The following ENOX2 variants were observed in gnomAD, a reference collection of about 807,000 sequenced individuals.
ENOX2 encodes ecto-NOX disulfide-thiol exchanger 2.
Under a neutral mutation model 45.0 loss-of-function variants are expected in ENOX2, and 36 were observed. The ratio of observed to expected loss-of-function variants is 0.80; its 90% CI spans 0.61 to 1.06. The LOEUF (loss-of-function observed/expected upper bound fraction) is 1.06, where lower values mean the gene tolerates loss of function less well. Among genes scored for constraint, ENOX2 ranks in the 50% least tolerant of loss-of-function variants. ENOX2 has a pLI of 0.00. For synonymous variants in ENOX2, 174 were observed against 152.3 expected (o/e 1.14, Z -1.05); for missense variants, 423 against 462.5 (o/e 0.91, Z 0.78).
intron 2 of ENOX2, among the ~76,000 whole-genome samples, chrX:130,860,454 A>G (rs1227779193): frequency 9.0e-6 from 1 of 111,377 alleles, no homozygotes; most frequent in Non-Finnish European, 1.9e-5. Flanking sequence ...TTCCACTTCG[A>G]TGTCTAGTAA....
At chrX:130,701,236 C>G (rs746562626) in intron 4 of ENOX2, among the ~76,000 whole-genome samples, 12 of 110,969 alleles carry the variant, frequency 1.1e-4, no homozygotes, top group Admixed American at 5.8e-4. Flanking sequence ...CACATATGGT[C>G]CAGACTGTCA....
chrX:130,711,027 C>G (rs1235795905), intron 3 of ENOX2, among the ~76,000 whole-genome samples: 1 of 111,528 alleles, frequency 9.0e-6, no homozygotes, highest in Admixed American at 9.5e-5. Context: ...CATAGGACCT[C>G]GCATATAGTA....
chrX:130,745,610 A>C (rs138092057), intron 3 of ENOX2, among the ~76,000 whole-genome samples: 27 of 112,164 alleles, frequency 2.4e-4, no homozygotes, highest in African/African-American at 8.7e-4. Context: ...TAGATTCTAA[A>C]GTGCTGAGAG....
At chrX:130,710,272 A>G (rs1320203771) in intron 3 of ENOX2, among the ~76,000 whole-genome samples, 1 of 111,963 alleles carries the variant, frequency 8.9e-6, no homozygotes, top group African/African-American at 3.2e-5. Flanking sequence ...AAACCCAGGC[A>G]GTCTGGCTTC....
At chrX:130,808,839 T>C (rs994671175) in intron 2 of ENOX2, among the ~76,000 whole-genome samples, 1 of 112,399 alleles carries the variant, frequency 8.9e-6, no homozygotes, top group African/African-American at 3.2e-5. Flanking sequence ...ATGAAATGTA[T>C]AGATGTTCAT....
At chrX:130,707,679 T>G (rs1335643515) in intron 3 of ENOX2, among the ~76,000 whole-genome samples, 1 of 111,828 alleles carries the variant, frequency 8.9e-6, no homozygotes, top group Non-Finnish European at 1.9e-5. Context: ...TATGTCCGAG[T>G]GGATATCCAC....
chrX:130,733,365 A>T (rs1250813591), intron 3 of ENOX2, among the ~76,000 whole-genome samples: 6 of 107,057 alleles, frequency 5.6e-5, no homozygotes, highest in African/African-American at 1.0e-4. Context: ...TTTTTTTTTT[A>T]AAGTGACAAC....
At chrX:130,803,803 C>T (rs1187849403) in intron 2 of ENOX2, among the ~76,000 whole-genome samples, 7 of 112,244 alleles carry the variant, frequency 6.2e-5, no homozygotes, top group Non-Finnish European at 1.3e-4. Context: ...ATACCCCTCC[C>T]TAGGGACGGA....
chrX:130,785,325 C>CAA (rs1204555333), intron 2 of ENOX2, among the ~76,000 whole-genome samples: 40 of 44,096 alleles, frequency 9.1e-4, no homozygotes, highest in African/African-American at 2.0e-3. Context: ...AACTCCATCT[C>CAA]AAAAAAAAAA....
chrX:130,841,890 C>T (rs1296075547), intron 2 of ENOX2, among the ~76,000 whole-genome samples: 1 of 112,195 alleles, frequency 8.9e-6, no homozygotes, highest in South Asian at 3.7e-4. Flanking sequence ...TAACAGGGAG[C>T]TGGGATTCAC....
At chrX:130,742,245 C>CTTT (rs67776619) in intron 3 of ENOX2, among the ~76,000 whole-genome samples, 40 of 60,138 alleles carry the variant, frequency 6.7e-4, no homozygotes, top group African/African-American at 1.5e-3. Context: ...AGATAATTTC[C>CTTT]TTTTTTTTTT....
intron 2 of ENOX2, among the ~76,000 whole-genome samples, chrX:130,819,087 A>G (rs2077544234): frequency 8.9e-6 from 1 of 112,434 alleles, no homozygotes; most frequent in Admixed American, 9.4e-5. Flanking sequence ...CACTTCTCAA[A>G]AGAAGACATT....
At chrX:130,862,523 T>A (rs757251586) in intron 2 of ENOX2, among the ~76,000 whole-genome samples, 77 of 110,313 alleles carry the variant, frequency 7.0e-4, no homozygotes, top group African/African-American at 2.3e-3. Flanking sequence ...ACATACATAA[T>A]CACTTATCAC....
intron 2 of ENOX2, among the ~76,000 whole-genome samples, chrX:130,877,999 G>A (rs1030557275): frequency 7.1e-5 from 8 of 112,258 alleles, no homozygotes; most frequent in Non-Finnish European, 1.5e-4. Context: ...TGTACTCATT[G>A]TCCAGCTAGT....
At chrX:130,712,546 G>A (rs1055755543) in intron 3 of ENOX2, among the ~76,000 whole-genome samples, 3 of 111,063 alleles carry the variant, frequency 2.7e-5, no homozygotes, top group Non-Finnish European at 5.7e-5. Context: ...AGGGAAGAAC[G>A]CTTCAGATGA....
chrX:130,825,583 T>C (rs779150505), intron 2 of ENOX2, among the ~76,000 whole-genome samples: 1 of 112,023 alleles, frequency 8.9e-6, no homozygotes, highest in African/African-American at 3.2e-5. Context: ...TTATCTGTGG[T>C]CAAGCACAGT....
chrX:130,840,519 T>TAAAA (rs1556503902), intron 2 of ENOX2, among the ~76,000 whole-genome samples: 4 of 98,681 alleles, frequency 4.1e-5, no homozygotes, highest in African/African-American at 1.6e-4. Context: ...TTCTCTCTTT[T>TAAAA]AAAAAATAAA....
intron 10 of ENOX2, among the ~76,000 whole-genome samples, chrX:130,651,975 G>GAACAAC (rs755312247): frequency 5.5e-5 from 6 of 109,960 alleles, no homozygotes; most frequent in South Asian, 3.9e-4. Context: ...CCTTTTTATT[G>GAACAAC]AACAACAACA....
intron 2 of ENOX2, among the ~76,000 whole-genome samples, chrX:130,887,371 C>T (rs1371783251): frequency 1.8e-5 from 2 of 109,649 alleles, no homozygotes; most frequent in Non-Finnish European, 3.8e-5. Flanking sequence ...CCACCCACCC[C>T]ATTGAGGAAA....
Sources: allele counts gnomAD v4.1 joint callset (sites outside exome capture counted in the v4.1 genomes callset), GRCh38; gene constraint gnomAD v4.1.1; transcripts MANE v1.5; gene names NCBI Gene and HGNC (gene_info 2026-07-23, HGNC 2026-07-21).